SPAG16: variants seen among roughly 807,000 people sequenced by gnomAD.
SPAG16 encodes sperm-associated antigen 16 protein.
In SPAG16, 86 loss-of-function variants were observed where a neutral mutation model predicts 80.4. The observed-to-expected ratio is 1.07, with a 90% confidence interval of 0.90 to 1.28. The LOEUF is 1.28. Among genes scored for constraint, SPAG16 ranks in the 50% most tolerant of loss-of-function variants. SPAG16 has a pLI of 0.00. For synonymous variants in SPAG16, 294 were observed against 265.9 expected (o/e 1.11, Z -1.03); for missense variants, 870 against 765.3 (o/e 1.14, Z -1.61).
intron 13 of SPAG16, among the ~76,000 whole-genome samples, chr2:214,083,770 G>A (rs2051539460): frequency 6.6e-6 from 1 of 152,110 alleles, no homozygotes; most frequent in Admixed American, 6.6e-5. Context: ...TTTGGTATAT[G>A]AAACTTGTCA....
intron 15 of SPAG16, among the ~76,000 whole-genome samples, chr2:214,221,511 A>C (rs1384546347): frequency 6.6e-6 from 1 of 152,200 alleles, no homozygotes; most frequent in East Asian, 1.9e-4. Flanking sequence ...GGTTAAAGTA[A>C]GATGTCCCAC....
chr2:214,054,320 C>T (rs1197231469), intron 13 of SPAG16, among the ~76,000 whole-genome samples: 2 of 152,094 alleles, frequency 1.3e-5, no homozygotes, highest in African/African-American at 2.4e-5. Flanking sequence ...CTCACTTCCC[C>T]GTTTTAAAAT....
chr2:213,809,314 A>G (rs1432893728), intron 10 of SPAG16, among the ~76,000 whole-genome samples: 1 of 152,138 alleles, frequency 6.6e-6, no homozygotes, highest in Non-Finnish European at 1.5e-5. Flanking sequence ...CCTGGCTAAG[A>G]GAAGAAGTCT....
chr2:213,730,956 A>T (rs1313526489), intron 10 of SPAG16, among the ~76,000 whole-genome samples: 1 of 152,114 alleles, frequency 6.6e-6, no homozygotes, highest in Non-Finnish European at 1.5e-5. Flanking sequence ...AAGACTACTA[A>T]TGAGTCCATC....
intron 10 of SPAG16, among the ~76,000 whole-genome samples, chr2:213,847,760 G>A (rs922299603): frequency 3.3e-5 from 5 of 152,110 alleles, no homozygotes; most frequent in Non-Finnish European, 5.9e-5. Context: ...GCAGATTAAG[G>A]AGAGAGAAAC....
chr2:213,771,953 A>C (rs757426180), intron 10 of SPAG16, among the ~76,000 whole-genome samples: 10 of 152,038 alleles, frequency 6.6e-5, no homozygotes, highest in Non-Finnish European at 1.5e-4. Context: ...GTTTCATATG[A>C]GTTTTAAAGT....
At chr2:213,467,159 C>G (rs577951618) in intron 9 of SPAG16, among the ~76,000 whole-genome samples, 54 of 148,018 alleles carry the variant, frequency 3.6e-4, no homozygotes, top group African/African-American at 1.2e-3. Context: ...TTGAGGAGGC[C>G]TGCCTCTTCA....
At chr2:214,406,122 A>G (rs997111238) in intron 15 of SPAG16, among the ~76,000 whole-genome samples, 25 of 152,336 alleles carry the variant, frequency 1.6e-4, no homozygotes, top group African/African-American at 6.0e-4. Flanking sequence ...AAAAATTGCA[A>G]TAATAAGCAG....
chr2:213,774,181 G>T (rs2069429360), intron 10 of SPAG16, among the ~76,000 whole-genome samples: 1 of 152,122 alleles, frequency 6.6e-6, no homozygotes, highest in African/African-American at 2.4e-5. Flanking sequence ...TATTGGTTAT[G>T]TGTCAGTTTC....
At chr2:214,025,433 G>A (rs2048079970) in intron 13 of SPAG16, among the ~76,000 whole-genome samples, 1 of 151,550 alleles carries the variant, frequency 6.6e-6, no homozygotes, top group Middle Eastern at 3.2e-3. Flanking sequence ...GCTTGTCACT[G>A]TTATTCATTC....
chr2:213,374,359 T>G (rs1329809528), intron 8 of SPAG16, among the ~76,000 whole-genome samples: 8 of 152,130 alleles, frequency 5.3e-5, no homozygotes, highest in Admixed American at 5.2e-4. Context: ...TGTTAGTGAT[T>G]ATAACCTTAG....
intron 10 of SPAG16, among the ~76,000 whole-genome samples, chr2:213,678,551 A>G (rs2064217283): frequency 6.6e-6 from 1 of 152,158 alleles, no homozygotes; most frequent in Non-Finnish European, 1.5e-5. Flanking sequence ...GCTCTTAACC[A>G]CTATCGGTAC....
At chr2:213,550,644 C>T (rs1393906) in intron 10 of SPAG16, among the ~76,000 whole-genome samples, 3,905 of 152,092 alleles carry the variant, frequency 0.026, 162 homozygotes, top group African/African-American at 0.088. Flanking sequence ...TACAAAATTC[C>T]TTTAAACTTA....
intron 10 of SPAG16, among the ~76,000 whole-genome samples, chr2:213,625,753 G>A (rs2061939551): frequency 6.6e-6 from 1 of 151,850 alleles, no homozygotes; most frequent in South Asian, 2.1e-4. Context: ...GCACAATCTG[G>A]GCTCACTGCA....
chr2:214,301,194 T>C (rs906647680), intron 15 of SPAG16, among the ~76,000 whole-genome samples: 5 of 149,806 alleles, frequency 3.3e-5, no homozygotes, highest in Non-Finnish European at 7.4e-5. Flanking sequence ...ACCACATAAA[T>C]AGATTTAAAA....
chr2:213,811,308 T>C (rs2072135636), intron 10 of SPAG16, among the ~76,000 whole-genome samples: 1 of 152,194 alleles, frequency 6.6e-6, no homozygotes. Context: ...GGTTCCATAA[T>C]GAACATACTA....
intron 15 of SPAG16, among the ~76,000 whole-genome samples, chr2:214,346,042 T>G (rs1312342670): frequency 6.6e-6 from 1 of 152,234 alleles, no homozygotes; most frequent in Non-Finnish European, 1.5e-5. Flanking sequence ...AATGCATATA[T>G]GCTGGGTTAT....
chr2:213,803,994 A>C (rs1462195359), intron 10 of SPAG16, among the ~76,000 whole-genome samples: 1 of 152,202 alleles, frequency 6.6e-6, no homozygotes, highest in Non-Finnish European at 1.5e-5. Context: ...TACTAAATTC[A>C]TATCCCTGGG....
chr2:213,618,708 GT>G (rs144453191), intron 10 of SPAG16, among the ~76,000 whole-genome samples: 7,811 of 140,092 alleles, frequency 0.056, 224 homozygotes, highest in Middle Eastern at 0.089. Context: ...GAGGATTTCT[GT>G]TTTTTTTTTT....
Sources: gnomAD v4.1 joint callset for allele counts (sites outside exome capture counted in the v4.1 genomes callset) on GRCh38, gnomAD v4.1.1 for gene constraint, MANE v1.5 for transcripts, NCBI Gene and HGNC (gene_info 2026-07-23, HGNC 2026-07-21) for gene names.